The following NTM variants were observed in gnomAD, a reference collection of about 807,000 sequenced individuals.
NTM encodes neurotrimin, also known as IgLON family member 2.
In NTM, 13 loss-of-function variants were observed where a neutral mutation model predicts 42.1. That is an observed-to-expected ratio of 0.31 (90% CI 0.20 to 0.49). The LOEUF (loss-of-function observed/expected upper bound fraction) is 0.49, where lower values mean the gene tolerates loss of function less well. Among genes scored for constraint, NTM ranks in the 20% least tolerant of loss-of-function variants. The pLI, the probability that NTM is intolerant of heterozygous loss-of-function variation, is 0.99. For missense variants in NTM, 373 were observed against 452.8 expected (o/e 0.82, Z 1.60); for synonymous variants, 187 against 179.2 (o/e 1.04, Z -0.35).
At chr11:131,573,605 A>G (rs921908547) in intron 1 of NTM, 14 of 152,358 alleles carry the variant, frequency 9.2e-5, no homozygotes, top group African/African-American at 2.6e-4. Context: ...GTCTTCTGAA[A>G]CAGTTCCCCC....
intron 4 of NTM, among the ~76,000 whole-genome samples, chr11:132,218,331 C>A (rs564403098): frequency 2.0e-5 from 3 of 152,194 alleles, no homozygotes; most frequent in Non-Finnish European, 4.4e-5. Context: ...TATGCCAATT[C>A]TAGACAACTC....
intron 1 of NTM, among the ~76,000 whole-genome samples, chr11:131,902,067 C>T (rs2053240422): frequency 6.6e-6 from 1 of 152,360 alleles, no homozygotes; most frequent in Admixed American, 6.5e-5. Flanking sequence ...GCCCTGAACT[C>T]ACGATGGTAA....
At chr11:131,563,579 C>CT (rs71911433) in intron 1 of NTM, among the ~76,000 whole-genome samples, 14,271 of 88,584 alleles carry the variant, frequency 0.16, 1,248 homozygotes, top group South Asian at 0.23. Flanking sequence ...GCTCCAGACA[C>CT]TTTTTTTTTT....
chr11:132,209,258 A>G (rs1296493448), intron 3 of NTM, among the ~76,000 whole-genome samples: 2 of 152,252 alleles, frequency 1.3e-5, no homozygotes, highest in Non-Finnish European at 2.9e-5. Context: ...AGCTTTTAAA[A>G]TGATATAACC....
At chr11:131,622,568 A>T (rs535701343) in intron 1 of NTM, among the ~76,000 whole-genome samples, 1 of 152,358 alleles carries the variant, frequency 6.6e-6, no homozygotes, top group East Asian at 1.9e-4. Flanking sequence ...ACTATTTGGT[A>T]GCCAAAATTT....
chr11:132,183,405 G>T (rs1472873198), intron 3 of NTM, among the ~76,000 whole-genome samples: 1 of 152,100 alleles, frequency 6.6e-6, no homozygotes, highest in Non-Finnish European at 1.5e-5. Flanking sequence ...GCACCATGGA[G>T]AAACTTTAGC....
At position 131,800,499 on chromosome 11, in the gene NTM, G is replaced by T. The variant is rs376610074; in HGVS notation, c.83-111065G>T. On this transcript the variant is annotated intron_variant, in intron 1 of 8. Coordinates refer to ENST00000683400, the MANE Select transcript of NTM (RefSeq NM_001352005.2). ...TTCTCCCTGCAAAAGATTCATATAG[G>T]CTAAAGAAATTGCATGAATACATAT... Among the ~76,000 whole-genome samples the T allele has an allele frequency of 2.9e-4, 44 of 152,322 alleles. No individual in the cohort carries two copies. The South Asian group carries it at 4.1e-3, about 14-fold the overall frequency.
chr11:131,784,365 AAT>A (rs1236070138), intron 1 of NTM, among the ~76,000 whole-genome samples: 3 of 152,250 alleles, frequency 2.0e-5, no homozygotes, highest in Non-Finnish European at 4.4e-5. Flanking sequence ...TCAGAAAGTG[AAT>A]AGATTAAAAT....
intron 1 of NTM, chr11:131,538,448 G>T (rs1268092248): frequency 6.6e-6 from 1 of 152,194 alleles, no homozygotes; most frequent in Non-Finnish European, 1.5e-5. Flanking sequence ...CCTACCACGT[G>T]TAGGAGATCC....
intron 1 of NTM, among the ~76,000 whole-genome samples, chr11:131,761,809 CAATAAATAAATA>C (rs200691057): frequency 0.12 from 16,360 of 139,164 alleles, 1,008 homozygotes; most frequent in East Asian, 0.15. Context: ...AACTCTGTCT[CAATAAATAAATA>C]AATAAATAAA....
At chr11:131,421,037 A>G (rs1470729871) in intron 1 of NTM, among the ~76,000 whole-genome samples, 1 of 151,934 alleles carries the variant, frequency 6.6e-6, no homozygotes. Context: ...GTACCCTTAG[A>G]CCTGGAGTCC....
intron 1 of NTM, among the ~76,000 whole-genome samples, chr11:131,874,720 A>G (rs1350400708): frequency 6.6e-6 from 1 of 152,200 alleles, no homozygotes; most frequent in Non-Finnish European, 1.5e-5. Context: ...TCTAAATGTA[A>G]GGAATAATTA....
At chr11:131,806,106 G>A (rs1213571375) in intron 1 of NTM, among the ~76,000 whole-genome samples, 1 of 152,116 alleles carries the variant, frequency 6.6e-6, no homozygotes, top group Non-Finnish European at 1.5e-5. Context: ...AAACAGCATT[G>A]ACTTGACAAC....
At chr11:132,260,623 T>C (rs1195188088) in intron 4 of NTM, among the ~76,000 whole-genome samples, 1 of 152,262 alleles carries the variant, frequency 6.6e-6, no homozygotes, top group Non-Finnish European at 1.5e-5. Context: ...GGGTTTTGAC[T>C]TGTCTGTGGT....
Position 131,538,907 on chromosome 11 carries a change from G to T in NTM, c.82+168019G>T, listed in dbSNP as rs564165828. Among the ~76,000 whole-genome samples the T allele has an allele frequency of 4.4e-5, 6 of 136,038 alleles. No individual in the cohort carries two copies. In the East Asian group the frequency reaches 1.4e-3, roughly 31 times the overall value. The allele number at this position is 136,038 out of a possible 152,430, so 89.2% of individuals were successfully genotyped here. Reference sequence around the variant, plus strand: ...AAAAATAAGTATGTGAAGGGATTGGGCATGTTAACTTAGCTTTTTTTTTTT... The same window carrying T: ...AAAAATAAGTATGTGAAGGGATTGGTCATGTTAACTTAGCTTTTTTTTTTT... On this transcript the variant is annotated intron_variant, in intron 1 of 8. Transcript: ENST00000683400.
chr11:132,124,627 G>A (rs972531323), intron 2 of NTM, among the ~76,000 whole-genome samples: 3 of 152,112 alleles, frequency 2.0e-5, no homozygotes, highest in African/African-American at 4.8e-5. Context: ...GTGTGTGCGC[G>A]CGCACGCGCA....
At chr11:131,877,223 G>A (rs2048669473) in intron 1 of NTM, among the ~76,000 whole-genome samples, 1 of 152,140 alleles carries the variant, frequency 6.6e-6, no homozygotes, top group Non-Finnish European at 1.5e-5. Context: ...TCCCTGATCT[G>A]CAGCAGCCAC....
At chr11:132,314,253 G>A (rs189162267) in intron 6 of NTM, among the ~76,000 whole-genome samples, 52 of 152,294 alleles carry the variant, frequency 3.4e-4, no homozygotes, top group African/African-American at 1.2e-3. Context: ...CACACAGCTG[G>A]CAGGGGTTAT....
intron 4 of NTM, among the ~76,000 whole-genome samples, chr11:132,293,049 G>C (rs538148994): frequency 6.6e-6 from 1 of 151,984 alleles, no homozygotes; most frequent in African/African-American, 2.4e-5. Flanking sequence ...ATGAGGGGCC[G>C]GTTTTTGACG....
Sources: allele counts gnomAD v4.1 joint callset (sites outside exome capture counted in the v4.1 genomes callset), GRCh38; gene constraint gnomAD v4.1.1; transcripts MANE v1.5; gene names NCBI Gene and HGNC (gene_info 2026-07-23, HGNC 2026-07-21).